Variants in SLC24A2 observed in about 807,000 individuals in gnomAD.
The protein encoded by SLC24A2 is sodium/potassium/calcium exchanger 2.
SLC24A2 carries 36 observed loss-of-function variants against 62.0 expected under a neutral mutation model. The ratio of observed to expected loss-of-function variants is 0.58; its 90% CI spans 0.44 to 0.77. The LOEUF (loss-of-function observed/expected upper bound fraction) is 0.77, where lower values mean the gene tolerates loss of function less well. Among genes scored for constraint, SLC24A2 ranks in the 30% least tolerant of loss-of-function variants. The pLI is 0.00. For missense variants in SLC24A2, 846 were observed against 817.9 expected (o/e 1.03, Z -0.42); for synonymous variants, 358 against 294.0 (o/e 1.22, Z -2.23).
chr9:19,643,654 C>A (rs1187779295), intron 2 of SLC24A2, among the ~76,000 whole-genome samples: 1 of 152,198 alleles, frequency 6.6e-6, no homozygotes, highest in African/African-American at 2.4e-5. Context: ...CATGTCTGAG[C>A]TTTCTCTCTG....
the SLC24A2 span, among the ~76,000 whole-genome samples, chr9:19,917,626 T>C: frequency 1.3e-5 from 2 of 152,038 alleles, no homozygotes; most frequent in Non-Finnish European, 2.9e-5. Context: ...CTTATTAAAA[T>C]CATGAATAGA....
chr9:19,730,782 A>G (rs541155896), intron 2 of SLC24A2, among the ~76,000 whole-genome samples: 36 of 152,232 alleles, frequency 2.4e-4, no homozygotes, highest in African/African-American at 8.4e-4. Context: ...CGATGCATAT[A>G]TTTTCTAAGC....
At chr9:20,106,257 T>C in the SLC24A2 span, among the ~76,000 whole-genome samples, 1 of 152,166 alleles carries the variant, frequency 6.6e-6, no homozygotes, top group Admixed American at 6.5e-5. Context: ...ACAGCCGAAT[T>C]CTACCAGAGG....
At chr9:19,874,000 A>C in the SLC24A2 span, among the ~76,000 whole-genome samples, 5 of 152,188 alleles carry the variant, frequency 3.3e-5, no homozygotes, top group African/African-American at 1.2e-4. Flanking sequence ...ACAATGGCTG[A>C]AAACTACAGA....
chr9:19,519,935 A>G (rs1833108742), intron 10 of SLC24A2, among the ~76,000 whole-genome samples: 1 of 152,190 alleles, frequency 6.6e-6, no homozygotes. Flanking sequence ...TACCTACCTC[A>G]TTTACTAGTG....
the SLC24A2 span, among the ~76,000 whole-genome samples, chr9:19,995,172 C>A: frequency 1.3e-5 from 2 of 151,050 alleles, no homozygotes; most frequent in South Asian, 2.1e-4. Context: ...AAACTTGCAA[C>A]AAATATTGGC....
At position 19,510,361 on chromosome 9, in the gene SLC24A2, TAA is replaced by T. The variant is rs1009519101; in HGVS notation, c.*5790_*5791del. 1.0e-4 allele frequency: 14 copies of T among 135,300 alleles called. No homozygotes were observed. Among genetic ancestry groups the T allele is most frequent in the African/African-American group, 3.7e-4 (13 of 35,536 alleles). The allele number at this position is 135,300 out of a possible 1,614,324, so 8.4% of individuals were successfully genotyped here. A position where few individuals can be genotyped will look rare whatever the true frequency, so the allele number is the denominator to read the frequency against. On this transcript the variant is annotated 3_prime_UTR_variant, in exon 11 of 11. Transcript: ENST00000341998. ...AAAGATAATTTTAATTGAAAATAGGTAAAGAGTCACATAGCGGTAACTTCCAA... is the reference window on the plus strand; with the variant it reads ...AAAGATAATTTTAATTGAAAATAGGTAGAGTCACATAGCGGTAACTTCCAA...
At chr9:19,702,600 T>A (rs1051153568) in intron 2 of SLC24A2, among the ~76,000 whole-genome samples, 11 of 152,200 alleles carry the variant, frequency 7.2e-5, no homozygotes, top group Admixed American at 7.2e-4. Flanking sequence ...TAATAATAGC[T>A]ACAATAACAA....
chr9:19,776,761 T>G (rs1822857688), intron 2 of SLC24A2, among the ~76,000 whole-genome samples: 2 of 152,248 alleles, frequency 1.3e-5, no homozygotes, highest in South Asian at 4.1e-4. Flanking sequence ...GGCTAGACTC[T>G]GGTCTTCTGT....
chr9:19,905,665 G>A, the SLC24A2 span, among the ~76,000 whole-genome samples: 1 of 151,872 alleles, frequency 6.6e-6, no homozygotes, highest in Non-Finnish European at 1.5e-5. Flanking sequence ...AAAGTGCTGG[G>A]ATTACAGGTG....
At chr9:20,231,409 T>C in the SLC24A2 span, among the ~76,000 whole-genome samples, 4 of 152,240 alleles carry the variant, frequency 2.6e-5, no homozygotes, top group Admixed American at 6.5e-5. Context: ...TTTTATTTCA[T>C]TGAGCAGTGG....
chr9:20,082,165 A>G, the SLC24A2 span, among the ~76,000 whole-genome samples: 2 of 152,328 alleles, frequency 1.3e-5, no homozygotes, highest in South Asian at 4.1e-4. Flanking sequence ...TGATTACTTG[A>G]CATTAATTGA....
the SLC24A2 span, among the ~76,000 whole-genome samples, chr9:19,913,610 C>T: frequency 6.6e-6 from 1 of 152,076 alleles, no homozygotes; most frequent in African/African-American, 2.4e-5. Context: ...AGGTGGCTGC[C>T]TGAGAATTTT....
At chr9:19,563,828 C>CCTTCCTTCCTTCCTTCCTTTCTT (rs1835533447) in intron 7 of SLC24A2, among the ~76,000 whole-genome samples, 1 of 33,536 alleles carries the variant, frequency 3.0e-5, no homozygotes, top group Admixed American at 3.3e-4. Flanking sequence ...CTTCCTTCCT[C>CCTTCCTTCCTTCCTTCCTTTCTT]CCTCCCTCCC....
At chr9:19,740,067 G>A (rs1821627092) in intron 2 of SLC24A2, among the ~76,000 whole-genome samples, 1 of 152,214 alleles carries the variant, frequency 6.6e-6, no homozygotes, top group Non-Finnish European at 1.5e-5. Flanking sequence ...GACCAGACCG[G>A]TCAAAATGAA....
At chr9:19,802,219 G>A in the SLC24A2 span, among the ~76,000 whole-genome samples, 122,740 of 151,838 alleles carry the variant, frequency 0.81, 50,953 homozygotes, top group Non-Finnish European at 0.92. Context: ...ATGCAGATAC[G>A]TTGTGTATTC....
chr9:19,789,034 G>C lies in SLC24A2; in HGVS notation c.-303C>G. The C allele has an allele frequency of 3.8e-6, 3 of 799,984 alleles. No individual in the cohort carries two copies. Among genetic ancestry groups the C allele is most frequent in the Non-Finnish European group, 4.5e-6 (3 of 660,040 alleles). 49.6% of individuals were successfully genotyped at this position (799,984 alleles called of 1,614,324 possible). ...GCCAGCCGGGCTGGGTTCGGGAGGAGACTGAGCCGCTGTGAGCCCGGCGCT... is the reference window on the plus strand; with the variant it reads ...GCCAGCCGGGCTGGGTTCGGGAGGACACTGAGCCGCTGTGAGCCCGGCGCT... On this transcript the variant is annotated 5_prime_UTR_variant, in exon 1 of 11. Transcript: ENST00000341998.
intron 2 of SLC24A2, among the ~76,000 whole-genome samples, chr9:19,656,147 T>C (rs1818935872): frequency 6.6e-6 from 1 of 152,242 alleles, no homozygotes; most frequent in Non-Finnish European, 1.5e-5. Flanking sequence ...AACCAGGGAA[T>C]GGATCATTTC....
At chr9:20,099,867 A>G in the SLC24A2 span, among the ~76,000 whole-genome samples, 1 of 152,236 alleles carries the variant, frequency 6.6e-6, no homozygotes, top group Non-Finnish European at 1.5e-5. Flanking sequence ...TTCTACTGAA[A>G]TATGCCCAAA....
Sources: allele counts gnomAD v4.1 joint callset (sites outside exome capture counted in the v4.1 genomes callset), GRCh38; gene constraint gnomAD v4.1.1; transcripts MANE v1.5; gene names NCBI Gene and HGNC (gene_info 2026-07-23, HGNC 2026-07-21).